The following CFAP53 variants were observed in gnomAD, a reference collection of about 807,000 sequenced individuals.
CFAP53 encodes the protein cilia- and flagella-associated protein 53.
Under a neutral mutation model 59.7 loss-of-function variants are expected in CFAP53, and 62 were observed. That is an observed-to-expected ratio of 1.04 (90% confidence interval 0.85 to 1.28). CFAP53 has a LOEUF of 1.28. Among genes scored for constraint, CFAP53 ranks in the 50% most tolerant of loss-of-function variants. The pLI is 0.00. For synonymous variants in CFAP53, 218 were observed against 205.7 expected (o/e 1.06, Z -0.51); for missense variants, 629 against 615.6 (o/e 1.02, Z -0.23).
At position 50,238,675 on chromosome 18, in the gene CFAP53, C is replaced by T. The variant is rs1336444557; in HGVS notation, c.1244G>A (p.Arg415His). 19 of 1,611,130 alleles carry T rather than the reference C, an allele frequency of 1.2e-5. No homozygotes were observed. Among genetic ancestry groups the T allele is most frequent in the Non-Finnish European group, 1.4e-5 (17 of 1,178,822 alleles). Residue 415 changes from arginine to histidine, a missense_variant, in exon 7 of 8, where the codon CGT (arginine) becomes CAT (histidine). Coordinates refer to ENST00000398545, the MANE Select transcript of CFAP53 (RefSeq NM_145020.5). Reference protein sequence around the residue: ...LQREAKEQEERAMEQKHINES... With the variant: ...LQREAKEQEEHAMEQKHINES... The stretch of plus-strand genomic sequence containing the variant: ...ATTTATGTGTTTCTGTTCCATAGCA[C>T]GTTCTTCCTGTTCTTTAGCTTCTCG...
At chr18:50,254,819 A>G (rs2033833190) in intron 3 of CFAP53, among the ~76,000 whole-genome samples, 1 of 152,224 alleles carries the variant, frequency 6.6e-6, no homozygotes, top group Admixed American at 6.5e-5. Context: ...TGAACCCAGG[A>G]GGCAGAGGCT....
rs1257761748 is a variant in CFAP53, at chr18:50,262,099, CT to C, written c.189del (p.Ala64LeufsTer42). 6.8e-6 allele frequency: 11 copies of C among 1,614,232 alleles called. No homozygotes were observed. Among genetic ancestry groups the C allele is most frequent in the Non-Finnish European group, 8.5e-6 (10 of 1,180,028 alleles). ...SIKSSERDRL[K>X]AEWDQHNDCK... The stretch of plus-strand genomic sequence containing the variant: ...CAGTCATTGTGCTGGTCCCACTCAG[CT>C]TTCAAGCGATCCCGCTCACTTGACT... On this transcript the variant is annotated frameshift_variant, in exon 2 of 8. Transcript: ENST00000398545. LOFTEE classifies it high-confidence loss of function.
At chr18:50,241,948 T>G (rs971117486) in intron 6 of CFAP53, among the ~76,000 whole-genome samples, 2 of 152,110 alleles carry the variant, frequency 1.3e-5, no homozygotes, top group African/African-American at 2.4e-5. Flanking sequence ...CCAGGGCATA[T>G]TTCAGTCCTT....
In CFAP53 at chr18:50,260,521, T is replaced by C. The variant is rs1307966934; in HGVS notation, c.473+543A>G. On this transcript the variant is annotated intron_variant, in intron 3 of 7. Transcript: ENST00000398545. ...CTACAAAAAATACAAAAAAATTAGCTGGGCACAGTGGCGCGTGCCTATAGT... is the reference window on the plus strand; with the variant it reads ...CTACAAAAAATACAAAAAAATTAGCCGGGCACAGTGGCGCGTGCCTATAGT... 4.6e-5 allele frequency among the ~76,000 whole-genome samples: 7 copies of C among 152,236 alleles called. No homozygotes were observed. In the East Asian group the frequency reaches 1.4e-3, roughly 29 times the overall value.
chr18:50,250,240 G>A (rs112303395), intron 5 of CFAP53, among the ~76,000 whole-genome samples: 11 of 113,248 alleles, frequency 9.7e-5, no homozygotes, highest in African/African-American at 3.1e-4. Context: ...AAAAAAAAGA[G>A]AGAGAGAGAG....
intron 7 of CFAP53, 72 bp from the exon 8 acceptor site, chr18:50,227,681 T>G: frequency 8.7e-7 from 1 of 1,148,782 alleles, no homozygotes; most frequent in Non-Finnish European, 1.3e-6. Flanking sequence ...GCATTACAAT[T>G]AAAATATAAT....
At position 50,250,758 on chromosome 18, in the gene CFAP53, T is replaced by G; in HGVS notation, c.996A>C (p.Arg332Ser). Residue 332 changes from arginine (R) to serine (S), a missense_variant and splice_region_variant, in exon 5 of 8, where the codon AGA becomes AGC. Physicochemically the swap from Arg to Ser is moderately radical, Grantham distance 110 (BLOSUM62 -1). Coordinates refer to ENST00000398545, the MANE Select transcript of CFAP53 (RefSeq NM_145020.5). ...AGCAGGCACCAAAAAAATGTCTTAC[T>G]CTTTTTTGTTTCTTTTTATCTGCCT... is the stretch of plus-strand genomic sequence containing the variant. Reference protein sequence around the residue: ...QEEADKKKQKREDMIREQKIY... With the variant: ...QEEADKKKQKSEDMIREQKIY... 1 of 1,613,108 alleles carries G rather than the reference T, an allele frequency of 6.2e-7. No homozygotes were observed. Among genetic ancestry groups the G allele is most frequent in the Non-Finnish European group, 8.5e-7 (1 of 1,179,112 alleles).
At chr18:50,230,183 C>T (rs1599111455) in intron 7 of CFAP53, among the ~76,000 whole-genome samples, 1 of 152,260 alleles carries the variant, frequency 6.6e-6, no homozygotes, top group Middle Eastern at 3.4e-3. Flanking sequence ...TTGTAATTTC[C>T]TGAGTGATAA....
chr18:50,247,389 C>T (rs1375656179), intron 5 of CFAP53, among the ~76,000 whole-genome samples: 1 of 152,176 alleles, frequency 6.6e-6, no homozygotes. Flanking sequence ...CTTTGGAAAA[C>T]AGTTTGGCAG....
intron 6 of CFAP53, among the ~76,000 whole-genome samples, chr18:50,239,063 T>C (rs1218051739): frequency 6.7e-6 from 1 of 148,246 alleles, no homozygotes; most frequent in Admixed American, 6.7e-5. Flanking sequence ...ATTTATTATA[T>C]ATTTATTATA....
intron 2 of CFAP53, 48 bp from the exon 3 acceptor site, chr18:50,261,285 C>T: frequency 1.4e-6 from 2 of 1,442,406 alleles, no homozygotes; most frequent in Admixed American, 3.0e-5. Context: ...AACTGTCATG[C>T]TACATGCATC....
At position 50,262,085 on chromosome 18, in the gene CFAP53, C is replaced by G. The variant is rs771337118; in HGVS notation, c.204G>C (p.Gln68His). ...ERDRLKAEWD[Q>H]HNDCKILDSL... ...TGTCCAAAATCTTGCAGTCATTGTGCTGGTCCCACTCAGCTTTCAAGCGAT... is the reference window on the plus strand; with the variant it reads ...TGTCCAAAATCTTGCAGTCATTGTGGTGGTCCCACTCAGCTTTCAAGCGAT... The change falls in exon 2 of 8, where the codon CAG becomes CAC. Residue 68 changes from glutamine to histidine, a missense_variant. By Grantham distance (24) the Gln-to-His change is conservative. Transcript: ENST00000398545. The G allele has an allele frequency of 2.5e-6, 4 of 1,614,226 alleles. No individual in the cohort carries two copies. The South Asian group carries it at 4.4e-5, about 18-fold the overall frequency.
chr18:50,227,601 C>T lies in CFAP53; in HGVS notation c.1325G>A (p.Arg442His), dbSNP rs753303156. 52 of 1,612,888 alleles carry T rather than the reference C, an allele frequency of 3.2e-5. No individual in the cohort carries two copies. The highest frequency in any genetic ancestry group is 1.1e-4 in the African/African-American group (8 of 74,874). Residue 442 changes from arginine to histidine, a missense_variant, in exon 8 of 8, where the codon CGT becomes CAT. Transcript: ENST00000398545. ...EEKENFARRQ[R>H]LAQEYRKQLQ... ...TTGCTTCCTGTACTCCTGGGCTAAACGTTGGCGTCTAAAGTATTAGAAATG... is the reference window on the plus strand; with the variant it reads ...TTGCTTCCTGTACTCCTGGGCTAAATGTTGGCGTCTAAAGTATTAGAAATG...
intron 1 of CFAP53, among the ~76,000 whole-genome samples, chr18:50,266,118 G>C (rs901718670): frequency 1.3e-5 from 2 of 152,224 alleles, no homozygotes; most frequent in Non-Finnish European, 2.9e-5. Context: ...CAGATGAAAG[G>C]CTGTAAGGAT....
Position 50,261,906 on chromosome 18 carries a change from C to T in CFAP53, c.299+84G>A. ...ATAAACATCTCAGCCATGATCCTTG[C>T]TAAATTTGATTTTTGACTGGTCAAT... is the stretch of plus-strand genomic sequence containing the variant. On this transcript the variant is annotated intron_variant, in intron 2 of 7. Coordinates refer to ENST00000398545, the MANE Select transcript of CFAP53 (RefSeq NM_145020.5). 3 of 1,034,102 alleles carry T rather than the reference C, an allele frequency of 2.9e-6. No individual in the cohort carries two copies. In the Admixed American group the frequency reaches 5.5e-5, roughly 19 times the overall value. The allele number at this position is 1,034,102 out of a possible 1,614,324, so 64.1% of individuals were successfully genotyped here.
intron 3 of CFAP53, among the ~76,000 whole-genome samples, chr18:50,260,450 C>T (rs1389562973): frequency 6.6e-6 from 1 of 152,036 alleles, no homozygotes; most frequent in Non-Finnish European, 1.5e-5. Context: ...TCACTTGAGT[C>T]CAAGAGTTCA....
rs748828364 is a variant in CFAP53, at chr18:50,261,093, A to G, written c.444T>C (p.Phe148=). 2 of 1,599,224 alleles carry G rather than the reference A, an allele frequency of 1.3e-6. No individual in the cohort carries two copies. The highest frequency in any genetic ancestry group is 1.2e-5 in the South Asian group (1 of 86,290). ...KEKNEKERQD[F]VAEKLDQQFR... is the part of the protein sequence containing the mutation. ...ATTGCTGGTCTAGCTTTTCAGCCAC[A>G]AAATCCTGCCTCTCTTTTTCATTCT... is the stretch of plus-strand genomic sequence containing the variant. The change falls in exon 3 of 8, where the codon TTT becomes TTC. Residue 148 remains phenylalanine (F), a synonymous_variant. Coordinates refer to ENST00000398545, the MANE Select transcript of CFAP53 (RefSeq NM_145020.5).
chr18:50,254,708 G>C (rs1259870019), intron 3 of CFAP53, among the ~76,000 whole-genome samples: 1 of 152,144 alleles, frequency 6.6e-6, no homozygotes, highest in Non-Finnish European at 1.5e-5. Flanking sequence ...GACCAACATG[G>C]AGAAACTGCA....
intron 3 of CFAP53, among the ~76,000 whole-genome samples, chr18:50,260,334 C>T (rs2033879213): frequency 6.6e-6 from 1 of 152,004 alleles, no homozygotes; most frequent in South Asian, 2.1e-4. Flanking sequence ...CCCCAGTGAT[C>T]AGAATACCAG....
Sources: gnomAD v4.1 joint callset for allele counts (sites outside exome capture counted in the v4.1 genomes callset) on GRCh38, gnomAD v4.1.1 for gene constraint, MANE v1.5 for transcripts, NCBI Gene and HGNC (gene_info 2026-07-23, HGNC 2026-07-21) for gene names.